AGTPBP1: variants seen among roughly 807,000 people sequenced by gnomAD.
AGTPBP1 encodes cytosolic carboxypeptidase 1.
AGTPBP1 carries 70 observed loss-of-function variants against 143.9 expected under a neutral mutation model. The observed-to-expected ratio is 0.49, with a 90% confidence interval of 0.40 to 0.59. AGTPBP1 has a LOEUF of 0.59. AGTPBP1 is among the 20% of genes least tolerant of loss of function. The pLI is 0.00. For synonymous variants in AGTPBP1, 463 were observed against 500.2 expected (o/e 0.93, Z 0.99); for missense variants, 1,229 against 1,464.5 (o/e 0.84, Z 2.62).
intron 14 of AGTPBP1, among the ~76,000 whole-genome samples, chr9:85,631,412 A>G (rs753884498): frequency 1.3e-5 from 2 of 152,224 alleles, no homozygotes; most frequent in Admixed American, 6.5e-5. Context: ...AGAGCTTTAC[A>G]TGGGCCTTTT....
intron 17 of AGTPBP1, among the ~76,000 whole-genome samples, chr9:85,617,228 T>C (rs1830648067): frequency 6.6e-6 from 1 of 152,158 alleles, no homozygotes; most frequent in Non-Finnish European, 1.5e-5. Flanking sequence ...ACTTAGAGGA[T>C]TTAAATGAAA....
the AGTPBP1 span, among the ~76,000 whole-genome samples, chr9:85,748,167 G>T: frequency 6.6e-6 from 1 of 152,082 alleles, no homozygotes; most frequent in Non-Finnish European, 1.5e-5. Context: ...GTTCACTAGT[G>T]CTCTCTCTGT....
At chr9:85,569,003 G>A (rs1166311139) in intron 25 of AGTPBP1, among the ~76,000 whole-genome samples, 1 of 152,098 alleles carries the variant, frequency 6.6e-6, no homozygotes, top group African/African-American at 2.4e-5. Context: ...CAGATAGAAT[G>A]TAAACTCACA....
intron 7 of AGTPBP1, among the ~76,000 whole-genome samples, chr9:85,671,183 A>G (rs1162404721): frequency 1.3e-5 from 2 of 152,004 alleles, no homozygotes; most frequent in African/African-American, 4.8e-5. Flanking sequence ...CCTGGCCTCA[A>G]GCGGTCCTTC....
intron 13 of AGTPBP1, among the ~76,000 whole-genome samples, chr9:85,639,354 T>C (rs886569930): frequency 1.5e-5 from 2 of 130,532 alleles, no homozygotes; most frequent in Non-Finnish European, 3.3e-5. Context: ...CACACACCCA[T>C]GCGCGCGCAC....
rs1439279695 is a variant in AGTPBP1, at chr9:85,678,240, T to A, written c.289+95A>T. On this transcript the variant is annotated intron_variant, in intron 5 of 25. Transcript: ENST00000357081. Reference sequence around the variant, plus strand: ...TAATTCCAATACTCAGAATAGCCTCTATAAGAGTATCGGAAAATTCCAAAT... The same window carrying A: ...TAATTCCAATACTCAGAATAGCCTCAATAAGAGTATCGGAAAATTCCAAAT... 7 of 766,056 alleles carry A rather than the reference T, an allele frequency of 9.1e-6. No homozygotes were observed. In the East Asian group the frequency reaches 2.0e-4, roughly 21 times the overall value. 47.5% of individuals were successfully genotyped at this position (766,056 alleles called of 1,614,324 possible). A position where few individuals can be genotyped will look rare whatever the true frequency, so the allele number is the denominator to read the frequency against.
chr9:85,684,741 T>C (rs865798951), intron 3 of AGTPBP1, among the ~76,000 whole-genome samples: 4 of 152,294 alleles, frequency 2.6e-5, no homozygotes, highest in Middle Eastern at 3.4e-3. Flanking sequence ...TGTTGACTAC[T>C]GCATCTTCCT....
chr9:85,781,639 T>G, the AGTPBP1 span, among the ~76,000 whole-genome samples: 1 of 152,242 alleles, frequency 6.6e-6, no homozygotes, highest in Non-Finnish European at 1.5e-5. Flanking sequence ...AAATTAACTA[T>G]ATAATCTAAC....
chr9:85,626,581 C>T (rs62566940), intron 14 of AGTPBP1, among the ~76,000 whole-genome samples: 2,434 of 152,258 alleles, frequency 0.016, 25 homozygotes, highest in Middle Eastern at 0.054. Context: ...AAAATAAGCA[C>T]TTCTGAGTAC....
intron 1 of AGTPBP1, among the ~76,000 whole-genome samples, chr9:85,718,758 C>T (rs896686819): frequency 2.0e-5 from 3 of 152,072 alleles, no homozygotes; most frequent in Non-Finnish European, 4.4e-5. Context: ...CCTATGTCCT[C>T]AATGGTATTG....
intron 8 of AGTPBP1, among the ~76,000 whole-genome samples, chr9:85,663,032 GGA>G (rs1273734799): frequency 6.6e-6 from 1 of 152,080 alleles, no homozygotes; most frequent in Non-Finnish European, 1.5e-5. Flanking sequence ...CACAGCACAG[GGA>G]GACAGAACCT....
rs577789178 is a variant in AGTPBP1, at chr9:85,550,724, C to T, written c.3504-3438G>A. 5.9e-5 allele frequency among the ~76,000 whole-genome samples: 9 copies of T among 152,296 alleles called. No homozygotes were observed. The South Asian group carries it at 1.9e-3, about 32-fold the overall frequency. On this transcript the variant is annotated intron_variant, in intron 25 of 25. Transcript: ENST00000357081. Reference sequence around the variant, plus strand: ...AAAACTCACCGTTCTCCCCACCAAGCCCAATCCTCTTCCAGTATGCTCGGT... The same window carrying T: ...AAAACTCACCGTTCTCCCCACCAAGTCCAATCCTCTTCCAGTATGCTCGGT...
At chr9:85,625,339 C>T (rs544890077) in intron 14 of AGTPBP1, among the ~76,000 whole-genome samples, 117 of 152,260 alleles carry the variant, frequency 7.7e-4, no homozygotes, top group Non-Finnish European at 2.8e-4. Flanking sequence ...ATAACCTCAT[C>T]AATAGAATGT....
chr9:85,724,532 T>C (rs888845428), intron 1 of AGTPBP1, among the ~76,000 whole-genome samples: 1 of 152,156 alleles, frequency 6.6e-6, no homozygotes, highest in Non-Finnish European at 1.5e-5. Flanking sequence ...CACAATCTAC[T>C]TTATCCTAGA....
At chr9:85,762,098 G>A in the AGTPBP1 span, among the ~76,000 whole-genome samples, 183 of 151,440 alleles carry the variant, frequency 1.2e-3, no homozygotes, top group Admixed American at 5.3e-3. Flanking sequence ...TTAGAATGGC[G>A]ATCATTAAAA....
intron 4 of AGTPBP1, 94 bp from the exon 5 acceptor site, chr9:85,678,492 C>A: frequency 1.4e-6 from 1 of 696,200 alleles, no homozygotes; most frequent in Non-Finnish European, 2.3e-6. Context: ...TACAAATGAC[C>A]TTTCCAATTT....
At chr9:85,715,064 T>C (rs1837617991) in intron 1 of AGTPBP1, among the ~76,000 whole-genome samples, 1 of 151,850 alleles carries the variant, frequency 6.6e-6, no homozygotes, top group Admixed American at 6.6e-5. Flanking sequence ...CTAGTAAACA[T>C]GGTGAAACTC....
chr9:85,760,597 T>C, the AGTPBP1 span, among the ~76,000 whole-genome samples: 1 of 152,130 alleles, frequency 6.6e-6, no homozygotes, highest in African/African-American at 2.4e-5. Context: ...TCTCAATAAA[T>C]TAGGTATTGA....
intron 1 of AGTPBP1, among the ~76,000 whole-genome samples, chr9:85,724,391 A>G (rs1469906196): frequency 6.6e-6 from 1 of 152,206 alleles, no homozygotes; most frequent in African/African-American, 2.4e-5. Flanking sequence ...ACAACTTTGA[A>G]AATTATCATT....
Sources: gnomAD v4.1 joint callset for allele counts (sites outside exome capture counted in the v4.1 genomes callset) on GRCh38, gnomAD v4.1.1 for gene constraint, MANE v1.5 for transcripts, NCBI Gene and HGNC (gene_info 2026-07-23, HGNC 2026-07-21) for gene names.